CISD2: variants seen among roughly 807,000 people sequenced by gnomAD.
CISD2 encodes the protein CDGSH iron sulfur domain 2, also known as CDGSH iron-sulfur domain-containing protein 2.
A neutral mutation model predicts 12.9 loss-of-function variants in CISD2; 1 was observed. That is an observed-to-expected ratio of 0.08 (90% CI 0.03 to 0.37). The LOEUF is 0.37. CISD2 is among the 10% of genes least tolerant of loss of function. CISD2 has a pLI of 0.99. For synonymous variants in CISD2, 50 were observed against 60.6 expected (o/e 0.83, Z 0.81); for missense variants, 97 against 163.1 (o/e 0.59, Z 2.21).
chr4:102,874,350 A>G (rs964719542), intron 1 of CISD2, among the ~76,000 whole-genome samples: 1 of 152,146 alleles, frequency 6.6e-6, no homozygotes, highest in Non-Finnish European at 1.5e-5. Context: ...GCAGGAGGTC[A>G]AGGGTTGAAG....
intron 1 of CISD2, among the ~76,000 whole-genome samples, chr4:102,884,149 G>T (rs534899068): frequency 1.3e-5 from 2 of 152,224 alleles, no homozygotes; most frequent in African/African-American, 2.4e-5. Flanking sequence ...CTGACAACAG[G>T]CTTTGGATTT....
At chr4:102,873,614 TC>T (rs1733517779) in intron 1 of CISD2, among the ~76,000 whole-genome samples, 1 of 151,768 alleles carries the variant, frequency 6.6e-6, no homozygotes, top group African/African-American at 2.4e-5. Context: ...CTTTCATTCT[TC>T]CTTTTTGGTC....
chr4:102,870,191 A>G (rs1172736386), intron 1 of CISD2, among the ~76,000 whole-genome samples: 4 of 152,244 alleles, frequency 2.6e-5, no homozygotes, highest in African/African-American at 7.2e-5. Context: ...AAATACAGCA[A>G]TCGCACAGCT....
rs1733998739 is a variant in CISD2 at position 102,887,638 on chromosome 4, C to G, written c.*208C>G. On this transcript the variant is annotated 3_prime_UTR_variant, in exon 3 of 3. Transcript: ENST00000273986. The stretch of plus-strand genomic sequence containing the variant: ...TGACTTCAAAGAATTAATGTATCTT[C>G]CAACAATAAAATCACTTCTGATTTT... 1 of 401,094 alleles carries G rather than the reference C, an allele frequency of 2.5e-6. No homozygotes were observed. Among genetic ancestry groups the G allele is most frequent in the Non-Finnish European group, 4.5e-6 (1 of 222,470 alleles). 24.8% of individuals were successfully genotyped at this position (401,094 alleles called of 1,614,324 possible). A position where few individuals can be genotyped will look rare whatever the true frequency, so the allele number is the denominator to read the frequency against.
chr4:102,869,287 C>A lies in CISD2; in HGVS notation c.103+100C>A, dbSNP rs1156591548. ...GGCCAAGGGGCGGGACGGAGCTCGGCGCCTGGCACGTGATCCCCGCGCGCA... is the reference window on the plus strand; with the variant it reads ...GGCCAAGGGGCGGGACGGAGCTCGGAGCCTGGCACGTGATCCCCGCGCGCA... On this transcript the variant is annotated intron_variant, in intron 1 of 2. Coordinates refer to ENST00000273986, the MANE Select transcript of CISD2 (RefSeq NM_001008388.5). 2.7e-6 allele frequency: 4 copies of A among 1,466,390 alleles called. No homozygotes were observed. In the African/African-American group the frequency reaches 4.2e-5, roughly 15 times the overall value. 90.8% of individuals were successfully genotyped at this position (1,466,390 alleles called of 1,614,324 possible). A position where few individuals can be genotyped will look rare whatever the true frequency, so the allele number is the denominator to read the frequency against.
chr4:102,871,062 A>C (rs1184888311), intron 1 of CISD2, among the ~76,000 whole-genome samples: 2 of 152,206 alleles, frequency 1.3e-5, no homozygotes, highest in African/African-American at 4.8e-5. Context: ...ACTAATTTGC[A>C]TAAGTTAACT....
intron 1 of CISD2, among the ~76,000 whole-genome samples, chr4:102,870,039 G>A (rs1254111254): frequency 3.3e-5 from 5 of 152,168 alleles, no homozygotes; most frequent in Non-Finnish European, 7.4e-5. Flanking sequence ...AACTCAGACC[G>A]AGTAGGATGG....
intron 1 of CISD2, among the ~76,000 whole-genome samples, chr4:102,876,750 A>G (rs1378893180): frequency 2.9e-5 from 4 of 137,518 alleles, no homozygotes; most frequent in African/African-American, 1.2e-4. Context: ...CTCCATCTGG[A>G]AAAAAAAAAA....
At position 102,876,342 on chromosome 4, in the gene CISD2, A is replaced by T. The variant is rs145431070; in HGVS notation, c.103+7155A>T. On this transcript the variant is annotated intron_variant, in intron 1 of 2. Transcript: ENST00000273986. ...TGTTTACTGAAGTCCTGTTATGTGC[A>T]AATTACTAAGCACTGGTTACATAGA... Among the ~76,000 whole-genome samples, 222 of 152,354 alleles carry T rather than the reference A, an allele frequency of 1.5e-3. 2 individuals are homozygous for T. The highest frequency in any genetic ancestry group is 5.2e-3 in the African/African-American group (218 of 41,584).
rs547603819 is a variant in CISD2, at chr4:102,870,666, G to A, written c.103+1479G>A. On this transcript the variant is annotated intron_variant, in intron 1 of 2. Transcript: ENST00000273986. ...AAATGAAAAACGTTTCACATCAAGT[G>A]TTTATAAACATCAGATCTTTTGATC... 1.8e-4 allele frequency among the ~76,000 whole-genome samples: 28 copies of A among 152,270 alleles called. No individual in the cohort carries two copies. The South Asian group carries it at 5.2e-3, about 28-fold the overall frequency.
chr4:102,869,452 G>A (rs962365067), intron 1 of CISD2: 4 of 703,390 alleles, frequency 5.7e-6, no homozygotes, highest in South Asian at 1.5e-5. Context: ...TTTTTGCAGA[G>A]AAGGTGCTGA....
At chr4:102,877,752 G>T (rs966206610) in intron 1 of CISD2, among the ~76,000 whole-genome samples, 1 of 152,194 alleles carries the variant, frequency 6.6e-6, no homozygotes, top group African/African-American at 2.4e-5. Flanking sequence ...GAAATCTAGG[G>T]TGAAGTTCCC....
rs531697128 is a variant in CISD2, at chr4:102,879,137, A to G, written c.104-6079A>G. On this transcript the variant is annotated intron_variant, in intron 1 of 2. Transcript: ENST00000273986. ...ATGGGGGAGATTGCCTTGATGATTT[A>G]ATCACCAACCACCAGGTTCCTCCCT... is the stretch of plus-strand genomic sequence containing the variant. Among the ~76,000 whole-genome samples, 4 of 152,270 alleles carry G rather than the reference A, an allele frequency of 2.6e-5. No individual in the cohort carries two copies. The East Asian group carries it at 7.7e-4, about 29-fold the overall frequency.
In CISD2 at chr4:102,887,942, T is replaced by G. The variant is rs2110404768; in HGVS notation, c.*512T>G. The G allele has an allele frequency of 6.5e-6, 1 of 154,352 alleles. No individual in the cohort carries two copies. The highest frequency in any genetic ancestry group is 3.4e-3 in the Middle Eastern group (1 of 296). 9.6% of individuals were successfully genotyped at this position (154,352 alleles called of 1,614,324 possible). The stretch of plus-strand genomic sequence containing the variant: ...TTGCTTTATAGAGATTGTTGTGTAT[T>G]TAATATGAATATCCCAGCTTTAGAA... On this transcript the variant is annotated 3_prime_UTR_variant, in exon 3 of 3. Coordinates refer to ENST00000273986, the MANE Select transcript of CISD2 (RefSeq NM_001008388.5).
intron 1 of CISD2, among the ~76,000 whole-genome samples, chr4:102,880,863 G>A (rs1013082148): frequency 6.6e-6 from 1 of 151,800 alleles, no homozygotes; most frequent in Non-Finnish European, 1.5e-5. Flanking sequence ...GTGGTGGCGT[G>A]CGCCTATAAT....
rs867480356 is a variant in CISD2, at chr4:102,890,203, G to A, written c.*2773G>A. Reference sequence around the variant, plus strand: ...CAGCTTTGAGTTCAATGCCAAATACGATGATTCATTAAGTTGACTTTGTAT... The same window carrying A: ...CAGCTTTGAGTTCAATGCCAAATACAATGATTCATTAAGTTGACTTTGTAT... On this transcript the variant is annotated 3_prime_UTR_variant, in exon 3 of 3. Coordinates refer to ENST00000273986, the MANE Select transcript of CISD2 (RefSeq NM_001008388.5). 41 of 152,276 alleles carry A rather than the reference G, an allele frequency of 2.7e-4. No homozygotes were observed. The highest frequency in any genetic ancestry group is 6.2e-4 in the South Asian group (3 of 4,828). 9.4% of individuals were successfully genotyped at this position (152,276 alleles called of 1,614,324 possible).
rs1200577718 is a variant in CISD2, at chr4:102,888,030, G to A, written c.*600G>A. The A allele has an allele frequency of 1.3e-5, 2 of 151,300 alleles. No individual in the cohort carries two copies. Among genetic ancestry groups the A allele is most frequent in the Non-Finnish European group, 2.9e-5 (2 of 68,248 alleles). 9.4% of individuals were successfully genotyped at this position (151,300 alleles called of 1,614,324 possible). ...CAGTTATTTACAGTATAAAAGATTT[G>A]TTTACTTTACAAAAGGCTTGTGTCT... On this transcript the variant is annotated 3_prime_UTR_variant, in exon 3 of 3. Coordinates refer to ENST00000273986, the MANE Select transcript of CISD2 (RefSeq NM_001008388.5).
intron 1 of CISD2, among the ~76,000 whole-genome samples, chr4:102,872,643 CTATGTCATTTTTATGTCATTT>C (rs1560901326): frequency 6.6e-6 from 1 of 151,892 alleles, no homozygotes; most frequent in Non-Finnish European, 1.5e-5. Context: ...CGGAGTTTGT[CTATGTCATTTTTATGTCATTT>C]TATGTCATTT....
chr4:102,885,173 T>C, intron 1 of CISD2, 43 bp from the exon 2 acceptor site: 2 of 1,493,440 alleles, frequency 1.3e-6, no homozygotes, highest in East Asian at 4.5e-5. Context: ...TTTTGAATTC[T>C]TTTCCAAGAG....
Sources: allele counts gnomAD v4.1 joint callset (sites outside exome capture counted in the v4.1 genomes callset), GRCh38; gene constraint gnomAD v4.1.1; transcripts MANE v1.5; gene names NCBI Gene and HGNC (gene_info 2026-07-23, HGNC 2026-07-21).